The following MAMLD1 variants were observed in gnomAD, a reference collection of about 807,000 sequenced individuals.
The protein encoded by MAMLD1 is mastermind like domain containing 1.
MAMLD1 carries 14 observed loss-of-function variants against 45.0 expected under a neutral mutation model. The ratio of observed to expected loss-of-function variants is 0.31; its 90% confidence interval spans 0.21 to 0.49. MAMLD1 has a LOEUF of 0.49. MAMLD1 is among the 20% of genes least tolerant of loss of function. The probability of loss-of-function intolerance (pLI) is 0.99; values close to 1 mark genes in which losing one functional copy is unlikely to be tolerated. For missense variants in MAMLD1, 543 were observed against 603.6 expected, an observed-to-expected ratio of 0.90 and a Z score of 1.05; for synonymous variants, 254 against 247.8, an observed-to-expected ratio of 1.02 and a Z score of -0.24.
chrX:150,389,454 T>A (rs2033080948), intron 1 of MAMLD1, among the ~76,000 whole-genome samples: 1 of 112,346 alleles, frequency 8.9e-6, no homozygotes, highest in African/African-American at 3.2e-5. Context: ...CTTGATTTCT[T>A]TCTGTTATTG....
intron 1 of MAMLD1, among the ~76,000 whole-genome samples, chrX:150,398,337 A>AGAAGAAGAG (rs2033588884): frequency 4.8e-4 from 25 of 52,191 alleles, no homozygotes; most frequent in Admixed American, 7.0e-4. Context: ...AAGAAGAAGA[A>AGAAGAAGAG]GAAGAGGAAG....
intron 1 of MAMLD1, among the ~76,000 whole-genome samples, chrX:150,401,859 G>A (rs12396140): frequency 0.2 from 21,382 of 108,514 alleles, 1,787 homozygotes; most frequent in Middle Eastern, 0.26. Context: ...GGGAAAACTG[G>A]CTAGCCATAT....
At chrX:150,397,807 C>T (rs1013691118) in intron 1 of MAMLD1, among the ~76,000 whole-genome samples, 21 of 111,602 alleles carry the variant, frequency 1.9e-4, no homozygotes, top group African/African-American at 5.9e-4. Flanking sequence ...ATTCTGGAAG[C>T]TATGGTCATG....
chrX:150,389,838 C>A (rs782482545), intron 1 of MAMLD1, among the ~76,000 whole-genome samples: 1 of 111,982 alleles, frequency 8.9e-6, no homozygotes, highest in Admixed American at 9.5e-5. Flanking sequence ...ACATCTAGGA[C>A]CATTATGTTT....
intron 1 of MAMLD1, among the ~76,000 whole-genome samples, chrX:150,402,155 G>T (rs1294909026): frequency 2.6e-3 from 288 of 110,462 alleles, no homozygotes; most frequent in Non-Finnish European, 4.3e-3. Context: ...TGGGAGAAAA[G>T]TTTCACAACC....
intron 2 of MAMLD1, among the ~76,000 whole-genome samples, chrX:150,457,796 TA>T (rs2035916679): frequency 8.9e-6 from 1 of 112,294 alleles, no homozygotes; most frequent in African/African-American, 3.2e-5. Flanking sequence ...AGAGGGTAGA[TA>T]AATGTGTTGC....
intron 1 of MAMLD1, among the ~76,000 whole-genome samples, chrX:150,381,913 A>T (rs782586082): frequency 9.1e-6 from 1 of 110,076 alleles, no homozygotes; most frequent in South Asian, 3.8e-4. Context: ...CAAGTTCTTT[A>T]TATATTCTAG....
chrX:150,460,590 C>T (rs936525153), intron 2 of MAMLD1, among the ~76,000 whole-genome samples: 4 of 111,539 alleles, frequency 3.6e-5, no homozygotes, highest in African/African-American at 9.8e-5. Flanking sequence ...CCAGCCAGGG[C>T]GTGGAGGCAG....
chrX:150,377,216 G>C (rs1381158042), intron 1 of MAMLD1, among the ~76,000 whole-genome samples: 2 of 113,288 alleles, frequency 1.8e-5, no homozygotes, highest in Non-Finnish European at 3.7e-5. Flanking sequence ...TTGGAGGGAG[G>C]CACCCTGGTG....
intron 1 of MAMLD1, among the ~76,000 whole-genome samples, chrX:150,366,852 AAAAG>A (rs782812000): frequency 1.8e-5 from 2 of 111,071 alleles, no homozygotes; most frequent in East Asian, 5.7e-4. Flanking sequence ...GAGGCAGGAA[AAAAG>A]AAAGAAAGAG....
At chrX:150,421,779 C>T (rs2034524950) in intron 1 of MAMLD1, among the ~76,000 whole-genome samples, 1 of 112,311 alleles carries the variant, frequency 8.9e-6, no homozygotes, top group Admixed American at 9.4e-5. Context: ...TTCAGGGCTT[C>T]AATTCCCCAG....
At chrX:150,367,652 G>T (rs1406279312) in intron 1 of MAMLD1, among the ~76,000 whole-genome samples, 1 of 111,545 alleles carries the variant, frequency 9.0e-6, no homozygotes, top group Non-Finnish European at 1.9e-5. Context: ...TTGGTGTGCT[G>T]CACCCATTAA....
chrX:150,370,248 A>C (rs2031862786), intron 1 of MAMLD1, among the ~76,000 whole-genome samples: 1 of 110,922 alleles, frequency 9.0e-6, no homozygotes, highest in Admixed American at 9.6e-5. Flanking sequence ...AGGCAGCACC[A>C]GTCAACTGTA....
intron 1 of MAMLD1, among the ~76,000 whole-genome samples, chrX:150,433,172 C>T (rs2035010631): frequency 9.0e-6 from 1 of 111,567 alleles, no homozygotes; most frequent in African/African-American, 3.3e-5. Context: ...CTTTTTGTAG[C>T]TATTGTGAAT....
At chrX:150,366,472 G>A (rs1454360504) in intron 1 of MAMLD1, among the ~76,000 whole-genome samples, 1 of 112,119 alleles carries the variant, frequency 8.9e-6, no homozygotes, top group Non-Finnish European at 1.9e-5. Context: ...TCTGGAGCAA[G>A]ATCATTGGAA....
At chrX:150,382,416 G>A in intron 1 of MAMLD1, among the ~76,000 whole-genome samples, 1 of 111,767 alleles carries the variant, frequency 8.9e-6, no homozygotes, top group South Asian at 3.7e-4. Context: ...CTGGGTAAAA[G>A]TACTCCTCCC....
At chrX:150,494,274 A>G (rs1432821108) in intron 5 of MAMLD1, among the ~76,000 whole-genome samples, 3 of 111,542 alleles carry the variant, frequency 2.7e-5, no homozygotes, top group South Asian at 3.8e-4. Context: ...CCTGCCTGTA[A>G]TCCCAGCTAC....
rs368369740 is a variant in MAMLD1 at position 150,364,940 on chromosome X, C to G, written c.-64+1410C>G. 1.2e-4 allele frequency among the ~76,000 whole-genome samples: 14 copies of G among 112,135 alleles called. No individual in the cohort carries two copies. In the East Asian group the frequency reaches 2.3e-3, roughly 19 times the overall value. On this transcript the variant is annotated intron_variant, in intron 1 of 7. Transcript: ENST00000370401. ...GACATCGCAGCGGCGCGGCCCAGCT[C>G]TTGGCAGGCGTGGGTTGCCGCCCGA... is the stretch of plus-strand genomic sequence containing the variant.
intron 2 of MAMLD1, among the ~76,000 whole-genome samples, chrX:150,454,787 C>T (rs1557405235): frequency 1.8e-5 from 2 of 110,633 alleles, no homozygotes; most frequent in African/African-American, 6.6e-5. Context: ...CCTTCACTAC[C>T]ACCACCCTTT....
Sources: gnomAD v4.1 joint callset for allele counts (sites outside exome capture counted in the v4.1 genomes callset) on GRCh38, gnomAD v4.1.1 for gene constraint, MANE v1.5 for transcripts, NCBI Gene and HGNC (gene_info 2026-07-23, HGNC 2026-07-21) for gene names.